The following ETNK1 variants were observed in gnomAD, a reference collection of about 807,000 sequenced individuals.
ETNK1 encodes putative protein product of Nbla10396.
In ETNK1, 8 loss-of-function variants were observed where a neutral mutation model predicts 45.1. That is an observed-to-expected ratio of 0.18 (90% CI 0.10 to 0.32). The LOEUF (loss-of-function observed/expected upper bound fraction) is 0.32. Ranked by LOEUF, ETNK1 falls within the 10% of genes least tolerant of loss-of-function variation. ETNK1 has a pLI of 1.00. For synonymous variants in ETNK1, 152 were observed against 151.9 expected (o/e 1.00, Z -0.01); for missense variants, 302 against 430.6 (o/e 0.70, Z 2.64).
intron 6 of ETNK1, among the ~76,000 whole-genome samples, chr12:22,681,792 G>A (rs1954218019): frequency 6.6e-6 from 1 of 151,988 alleles, no homozygotes; most frequent in African/African-American, 2.4e-5. Context: ...CAGGATTCCC[G>A]TATCTGCTTC....
rs1954101971 is a variant in ETNK1, at chr12:22,670,991, CT to C, written c.701-277del. ...CCCATGTGGCAAAGGATTTATTTTG[CT>C]TTTGCTTAAACTTGGAGAATGACTG... On this transcript the variant is annotated intron_variant, in intron 4 of 7. Coordinates refer to ENST00000266517, the MANE Select transcript of ETNK1 (RefSeq NM_018638.5). 8.5e-5 allele frequency: 25 copies of C among 294,738 alleles called. No homozygotes were observed. In the South Asian group the frequency reaches 1.4e-3, roughly 16 times the overall value. 18.3% of individuals were successfully genotyped at this position (294,738 alleles called of 1,614,324 possible).
chr12:22,655,339 T>G (rs868088971), intron 2 of ETNK1, among the ~76,000 whole-genome samples: 7,132 of 147,492 alleles, frequency 0.048, 608 homozygotes, highest in African/African-American at 0.17. Context: ...TTTTTTTTTT[T>G]TTTTTTTTTT....
At chr12:22,670,566 T>C (rs1235604497) in intron 4 of ETNK1, among the ~76,000 whole-genome samples, 3 of 152,182 alleles carry the variant, frequency 2.0e-5, no homozygotes, top group African/African-American at 4.8e-5. Context: ...TAATTTAGAA[T>C]AGGCATCTAT....
At chr12:22,673,699 T>G (rs369949913) in intron 6 of ETNK1, 39 bp downstream of exon 6, 9 of 1,521,856 alleles carry the variant, frequency 5.9e-6, no homozygotes, top group African/African-American at 1.4e-5. Flanking sequence ...AGGTTCTTAC[T>G]GTAATTGAAA....
intron 2 of ETNK1, among the ~76,000 whole-genome samples, chr12:22,650,633 G>A (rs1953862826): frequency 6.6e-6 from 1 of 151,718 alleles, no homozygotes; most frequent in African/African-American, 2.4e-5. Context: ...ATCCCACTTG[G>A]TCACAGTGTA....
intron 1 of ETNK1, among the ~76,000 whole-genome samples, chr12:22,629,323 T>C (rs1953545176): frequency 6.6e-6 from 1 of 152,200 alleles, no homozygotes; most frequent in African/African-American, 2.4e-5. Flanking sequence ...CTTTCTGCTT[T>C]ACTACAGGTT....
At chr12:22,658,635 ACAG>A in intron 2 of ETNK1, among the ~76,000 whole-genome samples, 1 of 152,344 alleles carries the variant, frequency 6.6e-6, no homozygotes, top group East Asian at 1.9e-4. Context: ...AACTCCAAAT[ACAG>A]CATGGGCAAG....
chr12:22,647,084 T>G (rs1277481452), intron 2 of ETNK1, among the ~76,000 whole-genome samples: 2 of 151,878 alleles, frequency 1.3e-5, no homozygotes, highest in Non-Finnish European at 2.9e-5. Context: ...ATTCCACTTA[T>G]GGAAATTTAT....
chr12:22,683,985 G>A (rs767528112), intron 6 of ETNK1, among the ~76,000 whole-genome samples: 6 of 152,010 alleles, frequency 3.9e-5, no homozygotes, highest in Non-Finnish European at 7.4e-5. Context: ...ACTTTATGTT[G>A]TGGTCTGTTA....
rs935453492 is a variant in ETNK1, at chr12:22,659,169, A to G, written c.557+15A>G. On this transcript the variant is annotated intron_variant, in intron 3 of 7. Transcript: ENST00000266517. Reference sequence around the variant, plus strand: ...ATTAATAAAAGGTAAAATTATTTTTACATTTGAAATTATGTTTTACATTGC... The same window carrying G: ...ATTAATAAAAGGTAAAATTATTTTTGCATTTGAAATTATGTTTTACATTGC... 24 of 1,607,212 alleles carry G rather than the reference A, an allele frequency of 1.5e-5. No individual in the cohort carries two copies. Among genetic ancestry groups the G allele is most frequent in the Non-Finnish European group, 2.0e-5 (23 of 1,175,704 alleles).
rs1016062372 is a variant in ETNK1, at chr12:22,686,951, C to T, written c.*1997C>T. ...GGGAGGAGAGAAGATAATTTTTCTA[C>T]CTTACTCCATATTCTTACTTCAAAC... On this transcript the variant is annotated 3_prime_UTR_variant, in exon 8 of 8. Transcript: ENST00000266517. 1 of 131,656 alleles carries T rather than the reference C, an allele frequency of 7.6e-6. No individual in the cohort carries two copies. Among genetic ancestry groups the T allele is most frequent in the Non-Finnish European group, 1.6e-5 (1 of 63,884 alleles). The allele number at this position is 131,656 out of a possible 1,614,324, so 8.2% of individuals were successfully genotyped here.
intron 5 of ETNK1, among the ~76,000 whole-genome samples, chr12:22,672,244 T>G (rs1954116484): frequency 6.6e-6 from 1 of 152,124 alleles, no homozygotes; most frequent in Non-Finnish European, 1.5e-5. Context: ...TGGGAAGAAT[T>G]TAAAATCCAT....
intron 2 of ETNK1, chr12:22,644,415 AT>A: frequency 8.2e-7 from 1 of 1,214,390 alleles, no homozygotes; most frequent in Non-Finnish European, 1.1e-6. Flanking sequence ...TTGGTTAACA[AT>A]TCTTTGTTCT....
In ETNK1 at chr12:22,625,544, A is replaced by G; in HGVS notation, c.114A>G (p.Gln38=). The change falls in exon 1 of 8, where the codon CAA becomes CAG. Residue 38 remains glutamine (Q), a synonymous_variant. Transcript: ENST00000266517. The part of the protein sequence containing the change: ...RCREGALSLL[Q]HLRPHWDPQE... ...GGGAGGGGGCCCTGAGCCTCCTGCA[A>G]CACCTGCGGCCTCACTGGGACCCCC... 6.2e-7 allele frequency: 1 copy of G among 1,604,690 alleles called. No homozygotes were observed. Among genetic ancestry groups the G allele is most frequent in the Non-Finnish European group, 8.5e-7 (1 of 1,176,224 alleles).
chr12:22,649,814 T>G (rs1953852084), intron 2 of ETNK1, among the ~76,000 whole-genome samples: 1 of 152,110 alleles, frequency 6.6e-6, no homozygotes, highest in South Asian at 2.1e-4. Flanking sequence ...ACATGTAAAC[T>G]TTAGAATCAG....
At chr12:22,679,701 TG>T (rs1380803713) in intron 6 of ETNK1, among the ~76,000 whole-genome samples, 5,427 of 134,874 alleles carry the variant, frequency 0.04, 370 homozygotes, top group African/African-American at 0.14. Context: ...CTTGGTTTTT[TG>T]TTTTTTTTTT....
intron 3 of ETNK1, among the ~76,000 whole-genome samples, chr12:22,660,049 A>C (rs1166253862): frequency 2.0e-5 from 3 of 151,784 alleles, no homozygotes; most frequent in East Asian, 3.8e-4. Flanking sequence ...AAAAAAAAAA[A>C]AAAAAACACC....
intron 1 of ETNK1, among the ~76,000 whole-genome samples, chr12:22,634,155 A>G (rs997444009): frequency 6.6e-6 from 1 of 152,122 alleles, no homozygotes; most frequent in African/African-American, 2.4e-5. Flanking sequence ...TTCATCATGA[A>G]TGATGAATTT....
In ETNK1 at chr12:22,657,595, A is replaced by T. The variant is rs529710773; in HGVS notation, c.417-1419A>T. 2.8e-5 allele frequency among the ~76,000 whole-genome samples: 4 copies of T among 141,348 alleles called. No individual in the cohort carries two copies. In the South Asian group the frequency reaches 8.5e-4, roughly 30 times the overall value. The allele number at this position is 141,348 out of a possible 152,430, so 92.7% of individuals were successfully genotyped here. A position where few individuals can be genotyped will look rare whatever the true frequency, so the allele number is the denominator to read the frequency against. ...TAACCGGTTTAACCACCCCAGGGGG[A>T]AAATTTTCCTAATTTTCTAATAGCT... On this transcript the variant is annotated intron_variant, in intron 2 of 7. Coordinates refer to ENST00000266517, the MANE Select transcript of ETNK1 (RefSeq NM_018638.5).
Sources: gnomAD v4.1 joint callset for allele counts (sites outside exome capture counted in the v4.1 genomes callset) on GRCh38, gnomAD v4.1.1 for gene constraint, MANE v1.5 for transcripts, NCBI Gene and HGNC (gene_info 2026-07-23, HGNC 2026-07-21) for gene names.